The following LRRC69 variants were observed in gnomAD, a reference collection of about 807,000 sequenced individuals.
LRRC69 encodes leucine rich repeat containing 69, also known as leucine-rich repeat-containing protein 69.
In LRRC69, 42 loss-of-function variants were observed where a neutral mutation model predicts 37.8. The ratio of observed to expected loss-of-function variants is 1.11; its 90% CI spans 0.87 to 1.44. The LOEUF (loss-of-function observed/expected upper bound fraction) is 1.44, where lower values mean the gene tolerates loss of function less well. Among genes scored for constraint, LRRC69 ranks in the 40% most tolerant of loss-of-function variants. LRRC69 has a pLI of 0.00. For synonymous variants in LRRC69, 141 were observed against 143.1 expected (o/e 0.99, Z 0.11); for missense variants, 357 against 401.9 (o/e 0.89, Z 0.96).
intron 1 of LRRC69, among the ~76,000 whole-genome samples, chr8:91,116,808 A>T (rs971339175): frequency 1.3e-5 from 2 of 151,970 alleles, no homozygotes; most frequent in Non-Finnish European, 2.9e-5. Flanking sequence ...ATTTAAATTT[A>T]ATTTAAGTAT....
chr8:91,197,353 G>T (rs1384446617), intron 6 of LRRC69, among the ~76,000 whole-genome samples: 1 of 152,190 alleles, frequency 6.6e-6, no homozygotes, highest in African/African-American at 2.4e-5. Context: ...GCCTCCTGGA[G>T]CTGTGGTGGG....
chr8:91,133,244 A>C (rs1813842228), exon 4 of LRRC69: 1 of 1,524,584 alleles, frequency 6.6e-7, no homozygotes, highest in Admixed American at 2.3e-5. Flanking sequence ...GAAGAGATTA[A>C]ATTCTTGAAG....
chr8:91,158,858 T>G, intron 5 of LRRC69: 1 of 635,578 alleles, frequency 1.6e-6, no homozygotes, highest in Non-Finnish European at 2.9e-6. Flanking sequence ...ACTATAAACA[T>G]TGAAAGAAGA....
chr8:91,217,577 T>C (rs1045603789), intron 7 of LRRC69, among the ~76,000 whole-genome samples: 13 of 152,094 alleles, frequency 8.5e-5, no homozygotes, highest in African/African-American at 2.9e-4. Flanking sequence ...AGGGAAGCAA[T>C]TGAGTCATTG....
chr8:91,159,960 TAAAAA>T (rs900387051), intron 5 of LRRC69, among the ~76,000 whole-genome samples: 1 of 150,356 alleles, frequency 6.7e-6, no homozygotes, highest in Non-Finnish European at 1.5e-5. Flanking sequence ...ATCCCCACCT[TAAAAA>T]AAACAAAACA....
At chr8:91,107,870 T>C (rs1813345553) in intron 1 of LRRC69, among the ~76,000 whole-genome samples, 4 of 152,080 alleles carry the variant, frequency 2.6e-5, no homozygotes, top group Admixed American at 1.3e-4. Context: ...AAGCACTTTA[T>C]GAATTTTAAG....
intron 1 of LRRC69, among the ~76,000 whole-genome samples, chr8:91,106,933 C>T (rs908072708): frequency 1.3e-5 from 2 of 151,630 alleles, no homozygotes; most frequent in Non-Finnish European, 2.9e-5. Context: ...GTTGGGGCTA[C>T]AGGCGTGTGC....
At chr8:91,197,840 G>C (rs1241518887) in intron 6 of LRRC69, among the ~76,000 whole-genome samples, 1 of 151,074 alleles carries the variant, frequency 6.6e-6, no homozygotes, top group African/African-American at 2.4e-5. Context: ...GACTGGAGCT[G>C]TTCCTATTCG....
chr8:91,112,829 A>ATTT (rs1490806482), intron 1 of LRRC69, among the ~76,000 whole-genome samples: 6 of 152,058 alleles, frequency 3.9e-5, no homozygotes, highest in African/African-American at 1.4e-4. Context: ...GAAAAGTCTA[A>ATTT]AGACTCAATA....
At chr8:91,209,605 G>A (rs1407646317) in intron 7 of LRRC69, 5 of 152,316 alleles carry the variant, frequency 3.3e-5, no homozygotes, top group Admixed American at 2.6e-4. Flanking sequence ...TTTGAAAATG[G>A]GAAGATATGT....
intron 5 of LRRC69, among the ~76,000 whole-genome samples, chr8:91,159,287 TG>T (rs1230419390): frequency 6.6e-6 from 1 of 151,242 alleles, no homozygotes; most frequent in East Asian, 1.9e-4. Flanking sequence ...GGACGTTATC[TG>T]GAACTGGAGA....
At chr8:91,188,703 TTTCTC>T (rs1372792092) in intron 5 of LRRC69, among the ~76,000 whole-genome samples, 3 of 152,110 alleles carry the variant, frequency 2.0e-5, no homozygotes, top group African/African-American at 4.8e-5. Context: ...GACATTGTCT[TTTCTC>T]TTCTTTTCTC....
At chr8:91,127,485 C>T (rs1813737899) in intron 3 of LRRC69, among the ~76,000 whole-genome samples, 1 of 150,518 alleles carries the variant, frequency 6.6e-6, no homozygotes, top group Non-Finnish European at 1.5e-5. Flanking sequence ...AATGTTATTT[C>T]GCATGTGTAT....
At chr8:91,102,841 C>T (rs1227206942) in exon 1 of LRRC69, 2 of 1,541,454 alleles carry the variant, frequency 1.3e-6, no homozygotes, top group East Asian at 2.5e-5. Flanking sequence ...GCAACTTGAC[C>T]CAGGTGAGGA....
chr8:91,175,019 G>A (rs1809200068), intron 5 of LRRC69, among the ~76,000 whole-genome samples: 1 of 152,168 alleles, frequency 6.6e-6, no homozygotes, highest in South Asian at 2.1e-4. Flanking sequence ...AAGGTTATTT[G>A]GAGCAATTTA....
At chr8:91,205,825 G>A (rs1809794492) in intron 7 of LRRC69, among the ~76,000 whole-genome samples, 1 of 152,062 alleles carries the variant, frequency 6.6e-6, no homozygotes, top group Non-Finnish European at 1.5e-5. Flanking sequence ...CATGTATATT[G>A]GGCTTTAGTG....
chr8:91,170,279 G>C (rs1177039706), intron 5 of LRRC69, among the ~76,000 whole-genome samples: 3 of 80,212 alleles, frequency 3.7e-5, no homozygotes, highest in Non-Finnish European at 5.5e-5. Context: ...GGCCAGTGAT[G>C]ATGAGCATTT....
At chr8:91,150,385 G>A (rs375816079) in intron 5 of LRRC69, among the ~76,000 whole-genome samples, 49 of 151,914 alleles carry the variant, frequency 3.2e-4, no homozygotes, top group African/African-American at 6.0e-4. Context: ...GCTGGATTAC[G>A]TTTATTGATT....
At chr8:91,166,366 G>A (rs1029873578) in intron 5 of LRRC69, among the ~76,000 whole-genome samples, 7 of 151,458 alleles carry the variant, frequency 4.6e-5, no homozygotes, top group African/African-American at 1.7e-4. Context: ...TGTGCTAGAA[G>A]GTGGTATTAT....
Sources: allele counts gnomAD v4.1 joint callset (sites outside exome capture counted in the v4.1 genomes callset), GRCh38; gene constraint gnomAD v4.1.1; transcripts MANE v1.5; gene names NCBI Gene and HGNC (gene_info 2026-07-23, HGNC 2026-07-21).